The following CFAP44 variants were observed in gnomAD, a reference collection of about 807,000 sequenced individuals.
The protein encoded by CFAP44 is cilia and flagella associated protein 44, also known as cilia- and flagella-associated protein 44.
CFAP44 carries 134 observed loss-of-function variants against 216.2 expected under a neutral mutation model. The observed-to-expected ratio is 0.62, with a 90% confidence interval of 0.54 to 0.72. The LOEUF (loss-of-function observed/expected upper bound fraction) is 0.72. Ranked by LOEUF, CFAP44 falls within the 30% of genes least tolerant of loss-of-function variation. The pLI is 0.00. For missense variants in CFAP44, 2,035 were observed against 2,182.1 expected (o/e 0.93, Z 1.34); for synonymous variants, 700 against 727.6 (o/e 0.96, Z 0.61).
At chr3:113,430,256 T>C (rs1452774396) in intron 2 of CFAP44, among the ~76,000 whole-genome samples, 1 of 151,506 alleles carries the variant, frequency 6.6e-6, no homozygotes, top group Non-Finnish European at 1.5e-5. Flanking sequence ...ACAAAGAAAT[T>C]AGAAAAGTTT....
rs537318221 is a variant in CFAP44 at position 113,321,964 on chromosome 3, C to T, written c.4516+4481G>A. On this transcript the variant is annotated intron_variant, in intron 28 of 34. Coordinates refer to ENST00000393845, the MANE Select transcript of CFAP44 (RefSeq NM_001164496.2). ...TCCAAAGCAATATACAGATTCAATG[C>T]TACTCCTATCAAATTACCAACATCA... Among the ~76,000 whole-genome samples the T allele has an allele frequency of 7.2e-4, 110 of 152,272 alleles. 1 individual carries two copies. Among genetic ancestry groups the T allele is most frequent in the African/African-American group, 2.4e-3 (100 of 41,574 alleles).
chr3:113,306,860 A>G (rs566224274), intron 29 of CFAP44, among the ~76,000 whole-genome samples: 1 of 152,346 alleles, frequency 6.6e-6, no homozygotes, highest in South Asian at 2.1e-4. Flanking sequence ...TCTTCAAGCC[A>G]TTTAATTATC....
At chr3:113,359,219 G>C (rs1304085946) in intron 21 of CFAP44, among the ~76,000 whole-genome samples, 1 of 152,146 alleles carries the variant, frequency 6.6e-6, no homozygotes, top group East Asian at 1.9e-4. Flanking sequence ...AGATGCTTAT[G>C]GCAACTGATC....
chr3:113,407,410 C>T (rs1381739367), intron 7 of CFAP44, among the ~76,000 whole-genome samples: 1 of 152,110 alleles, frequency 6.6e-6, no homozygotes, highest in Non-Finnish European at 1.5e-5. Flanking sequence ...TTCAAGTGCT[C>T]AGTAACTACA....
In CFAP44 at chr3:113,327,760, T is replaced by C. The variant is rs7650771; in HGVS notation, c.4176A>G (p.Leu1392=). The C allele has an allele frequency of 0.069, 105,958 of 1,536,848 alleles. 4,552 individuals are homozygous for C. Among genetic ancestry groups the C allele is most frequent in the East Asian group, 0.17 (6,869 of 40,884 alleles). Residue 1392 remains leucine (L), a synonymous_variant, in exon 27 of 35, where the codon CTA becomes CTG. Coordinates refer to ENST00000393845, the MANE Select transcript of CFAP44 (RefSeq NM_001164496.2). ...AELRLLRHQK[L]KLDTQMKLSD... is the part of the protein sequence containing the mutation. The stretch of plus-strand genomic sequence containing the variant: ...ATAATTTCATCTGAGTATCTAGTTT[T>C]AGTTTCTGATGTCTAAGGAGACGGA...
At chr3:113,409,353 A>G (rs1253287095) in intron 6 of CFAP44, 31 bp from the exon 7 acceptor site, 1 of 1,572,950 alleles carries the variant, frequency 6.4e-7, no homozygotes, top group Admixed American at 1.7e-5. Context: ...CTAATAAATA[A>G]GGACACATTT....
chr3:113,425,753 G>A (rs570036066), intron 4 of CFAP44, among the ~76,000 whole-genome samples: 2 of 152,256 alleles, frequency 1.3e-5, no homozygotes, highest in Middle Eastern at 6.8e-3. Flanking sequence ...TCTCTGTATG[G>A]TTATTTGGCA....
chr3:113,341,803 T>C lies in CFAP44; in HGVS notation c.3378A>G (p.Ile1126Met), dbSNP rs991086175. 2.5e-5 allele frequency: 39 copies of C among 1,530,914 alleles called. No homozygotes were observed. The highest frequency in any genetic ancestry group is 3.1e-5 in the Non-Finnish European group (35 of 1,145,742). 94.8% of individuals were successfully genotyped at this position (1,530,914 alleles called of 1,614,324 possible). The change falls in exon 24 of 35, where the codon ATA becomes ATG. Residue 1126 changes from isoleucine to methionine, a missense_variant. Ile to Met is a conservative substitution (Grantham distance 10). This residue lies in a region of CFAP44 where 1,883 missense variants were observed against 2,023.7 expected (regional missense o/e 0.93). Transcript: ENST00000393845. ...TTAGTTGTGCCCTTTCAGCTTTTAA[T>C]ATAAGTTTTCTCGTTTTCTCAATTT... ...ENQIEKTRKL[I>M]LKAERAQLKI...
Position 113,416,505 on chromosome 3 carries a change from A to G in CFAP44, c.673+20T>C, listed in dbSNP as rs1934651691. ...TGTTATCCTTGAACATGAAATATTT[A>G]AATATGCTTCTGGACTCACCTCGAA... On this transcript the variant is annotated intron_variant, in intron 6 of 34. Coordinates refer to ENST00000393845, the MANE Select transcript of CFAP44 (RefSeq NM_001164496.2). 1 of 1,535,806 alleles carries G rather than the reference A, an allele frequency of 6.5e-7. No homozygotes were observed.
intron 2 of CFAP44, among the ~76,000 whole-genome samples, chr3:113,427,892 C>G (rs1038215595): frequency 1.3e-5 from 2 of 151,970 alleles, no homozygotes; most frequent in Non-Finnish European, 2.9e-5. Flanking sequence ...GATGGGTATA[C>G]TTTCATATAG....
intron 22 of CFAP44, among the ~76,000 whole-genome samples, chr3:113,357,630 G>T (rs1950503206): frequency 2.6e-5 from 4 of 152,302 alleles, no homozygotes; most frequent in African/African-American, 9.6e-5. Context: ...CTGCGAGACA[G>T]TAAATAACCA....
intron 15 of CFAP44, among the ~76,000 whole-genome samples, chr3:113,388,211 T>C (rs74747314): frequency 0.025 from 3,828 of 152,086 alleles, 59 homozygotes; most frequent in East Asian, 0.052. Flanking sequence ...CAGGGAGTGG[T>C]TACCACAGGC....
intron 33 of CFAP44, 148 bp from the exon 34 acceptor site, chr3:113,294,969 C>T (rs1464051299): frequency 1.1e-5 from 10 of 934,098 alleles, no homozygotes; most frequent in Non-Finnish European, 1.4e-5. Context: ...GAAAATGCAA[C>T]ACAAAGTGCA....
Position 113,366,042 on chromosome 3 carries a change from G to GGGAGAT in CFAP44, c.2706_2711dup (p.Ser903_Pro904dup). The GGGAGAT allele has an allele frequency of 6.2e-7, 1 of 1,608,638 alleles. No individual in the cohort carries two copies. The highest frequency in any genetic ancestry group is 2.2e-5 in the East Asian group (1 of 44,734). On this transcript the variant is annotated inframe_insertion, in exon 19 of 35. Coordinates refer to ENST00000393845, the MANE Select transcript of CFAP44 (RefSeq NM_001164496.2). Reference sequence around the variant, plus strand: ...AACTGGTTAATTAATTACATACCCTGGGAGATGGAACTTTGGCCTTCATGT... The same window carrying GGGAGAT: ...AACTGGTTAATTAATTACATACCCTGGGAGATGGAGATGGAACTTTGGCCTTCATGT...
chr3:113,315,973 G>A (rs1022439901), intron 28 of CFAP44, among the ~76,000 whole-genome samples: 4 of 152,124 alleles, frequency 2.6e-5, no homozygotes, highest in South Asian at 2.1e-4. Flanking sequence ...ATACCCCATG[G>A]TAAATCAAGG....
At position 113,373,556 on chromosome 3, in the gene CFAP44, C is replaced by T. The variant is rs1933242330; in HGVS notation, c.2299G>A (p.Gly767Ser). The T allele has an allele frequency of 3.2e-6, 5 of 1,574,008 alleles. No homozygotes were observed. The highest frequency in any genetic ancestry group is 4.3e-6 in the Non-Finnish European group (5 of 1,159,596). The change falls in exon 18 of 35, where the codon GGT becomes AGT. Residue 767 changes from glycine (G) to serine (S), a missense_variant and splice_region_variant. By Grantham distance (56) the Gly-to-Ser change is moderately conservative. Transcript: ENST00000393845. ...TATAGAAAACCAGAATCATAGCCAC[C>T]CTAGAAAAGAGATAAGTAACATAGA... The part of the protein sequence containing the change: ...SEPGKFWVSL[G>S]GYDSGFLYHC...
At chr3:113,435,223 C>T (rs1935206908) in intron 1 of CFAP44, among the ~76,000 whole-genome samples, 1 of 152,014 alleles carries the variant, frequency 6.6e-6, no homozygotes, top group Non-Finnish European at 1.5e-5. Flanking sequence ...CTAACAAAGG[C>T]ATACCTGAGA....
chr3:113,341,080 A>G (rs574916584), intron 24 of CFAP44, among the ~76,000 whole-genome samples: 1 of 152,284 alleles, frequency 6.6e-6, no homozygotes, highest in South Asian at 2.1e-4. Context: ...TCTTCTGCCA[A>G]TGTGTCCCTC....
intron 17 of CFAP44, among the ~76,000 whole-genome samples, chr3:113,377,854 T>C (rs1286271707): frequency 1.3e-5 from 2 of 152,102 alleles, no homozygotes; most frequent in Admixed American, 6.5e-5. Context: ...GGTTTCACCA[T>C]GTTGGCGAGA....
Sources: gnomAD v4.1 joint callset for allele counts (sites outside exome capture counted in the v4.1 genomes callset) on GRCh38, gnomAD v4.1.1 for gene constraint, gnomAD v4.1.1 regional missense constraint, MANE v1.5 for transcripts, NCBI Gene and HGNC (gene_info 2026-07-23, HGNC 2026-07-21) for gene names.